The following TBC1D1 variants were observed in gnomAD, a reference collection of about 807,000 sequenced individuals.
TBC1D1 encodes the protein TBC1 (tre-2/USP6, BUB2, cdc16) domain family, member 1.
TBC1D1 carries 89 observed loss-of-function variants against 125.6 expected under a neutral mutation model. The observed-to-expected ratio is 0.71, with a 90% CI of 0.60 to 0.85. The LOEUF is 0.85. TBC1D1 is among the 40% of genes least tolerant of loss of function. The probability of loss-of-function intolerance (pLI) is 0.00; values close to 1 mark genes in which losing one functional copy is unlikely to be tolerated. For synonymous variants in TBC1D1, 565 were observed against 564.1 expected, an observed-to-expected ratio of 1.00 and a Z score of -0.02; for missense variants, 1,377 against 1,469.2, an observed-to-expected ratio of 0.94 and a Z score of 1.03.
intron 2 of TBC1D1, among the ~76,000 whole-genome samples, chr4:37,982,507 A>G (rs981546820): frequency 1.3e-5 from 2 of 152,156 alleles, no homozygotes. Context: ...TATAACCCTG[A>G]CCAGGATTTC....
At chr4:37,939,585 G>C (rs558524235) in intron 2 of TBC1D1, among the ~76,000 whole-genome samples, 26 of 152,326 alleles carry the variant, frequency 1.7e-4, no homozygotes, top group African/African-American at 6.0e-4. Flanking sequence ...TTTTAGACAT[G>C]AAGTCCTTGC....
intron 11 of TBC1D1, among the ~76,000 whole-genome samples, chr4:38,052,703 TACACACACACGCGC>T (rs1197565622): frequency 5.7e-4 from 73 of 128,310 alleles, no homozygotes; most frequent in Admixed American, 2.5e-3. Context: ...CATGCGTATA[TACACACACACGCGC>T]GCGCGCGCGC....
intron 12 of TBC1D1, among the ~76,000 whole-genome samples, chr4:38,071,629 G>T (rs188454170): frequency 1.3e-5 from 2 of 152,146 alleles, no homozygotes; most frequent in Non-Finnish European, 2.9e-5. Flanking sequence ...GGCAGAAATG[G>T]TTCCTGCCTC....
intron 10 of TBC1D1, among the ~76,000 whole-genome samples, chr4:38,049,306 C>CA (rs1367828239): frequency 2.0e-5 from 3 of 152,162 alleles, no homozygotes; most frequent in African/African-American, 7.2e-5. Context: ...CTGCAGTAAA[C>CA]AGTCCTGTTT....
chr4:38,098,097 A>T (rs931914610), intron 14 of TBC1D1, among the ~76,000 whole-genome samples: 4 of 152,236 alleles, frequency 2.6e-5, no homozygotes, highest in Non-Finnish European at 4.4e-5. Flanking sequence ...ACCAGCTTTC[A>T]GTGTGACTTT....
Position 38,014,225 on chromosome 4 carries a change from T to C in TBC1D1, c.418-284T>C, listed in dbSNP as rs2152426132. Among the ~76,000 whole-genome samples the C allele has an allele frequency of 6.6e-6, 1 of 152,320 alleles. No individual in the cohort carries two copies. Among genetic ancestry groups the C allele is most frequent in the East Asian group, 1.9e-4 (1 of 5,174 alleles). On this transcript the variant is annotated intron_variant, in intron 2 of 19. Coordinates refer to ENST00000261439, the MANE Select transcript of TBC1D1 (RefSeq NM_015173.4). This position sits in a 1 kb window ranked among gnomAD's most constrained non-coding sequence, Gnocchi z 5.1. ...GTGTTCCCGGGCTGGTGGTTTAACC[T>C]TGCAGGGTGCTGTGGGCATGTAAAT...
intron 2 of TBC1D1, among the ~76,000 whole-genome samples, chr4:37,996,678 C>G (rs1164637129): frequency 6.6e-6 from 1 of 152,216 alleles, no homozygotes; most frequent in East Asian, 1.9e-4. Context: ...TGCTCAGAGC[C>G]CTTTCCTGTG....
chr4:38,122,092 C>T (rs1313611367), intron 17 of TBC1D1, among the ~76,000 whole-genome samples: 2 of 152,146 alleles, frequency 1.3e-5, no homozygotes, highest in African/African-American at 2.4e-5. Context: ...GAGGGTTGGA[C>T]GCTTTGAATG....
chr4:37,930,058 A>T (rs1722953358), intron 2 of TBC1D1, among the ~76,000 whole-genome samples: 1 of 152,204 alleles, frequency 6.6e-6, no homozygotes, highest in African/African-American at 2.4e-5. Flanking sequence ...AAAAACATGA[A>T]TGGAAAGTTG....
chr4:38,048,070 G>A (rs957372878), intron 10 of TBC1D1, among the ~76,000 whole-genome samples: 2 of 152,176 alleles, frequency 1.3e-5, no homozygotes, highest in Non-Finnish European at 2.9e-5. Flanking sequence ...TAAGAGAGAT[G>A]CAACTTTTCA....
At chr4:38,070,758 A>T (rs1754572646) in intron 12 of TBC1D1, among the ~76,000 whole-genome samples, 1 of 152,178 alleles carries the variant, frequency 6.6e-6, no homozygotes, top group Non-Finnish European at 1.5e-5. Flanking sequence ...GTGATAGGTG[A>T]TATTTTTGCC....
At chr4:37,979,669 T>G (rs1016465009) in intron 2 of TBC1D1, among the ~76,000 whole-genome samples, 4 of 152,268 alleles carry the variant, frequency 2.6e-5, no homozygotes, top group Non-Finnish European at 5.9e-5. Context: ...CAGCTGACTT[T>G]CCTTTTCCTT....
At chr4:37,984,699 T>C (rs1735069464) in intron 2 of TBC1D1, among the ~76,000 whole-genome samples, 1 of 151,626 alleles carries the variant, frequency 6.6e-6, no homozygotes, top group African/African-American at 2.4e-5. Context: ...AAAAATTAGC[T>C]GGGTGTGGTG....
At position 38,137,347 on chromosome 4, in the gene TBC1D1, G is replaced by A; in HGVS notation, c.*12G>A. ...CCACGGGCGACTGACAGCTCTGCAG[G>A]AGAGATTGCAACACCATCCCACACT... On this transcript the variant is annotated 3_prime_UTR_variant, in exon 20 of 20. Coordinates refer to ENST00000261439, the MANE Select transcript of TBC1D1 (RefSeq NM_015173.4). The A allele has an allele frequency of 6.2e-7, 1 of 1,607,976 alleles. No homozygotes were observed. Among genetic ancestry groups the A allele is most frequent in the Non-Finnish European group, 8.5e-7 (1 of 1,178,850 alleles).
chr4:37,950,823 A>C (rs932158283), intron 2 of TBC1D1, among the ~76,000 whole-genome samples: 3 of 145,864 alleles, frequency 2.1e-5, no homozygotes, highest in Non-Finnish European at 4.5e-5. Context: ...CAGTGGTGTG[A>C]TCTCGACTCA....
At chr4:38,106,562 C>T (rs531556449) in intron 15 of TBC1D1, among the ~76,000 whole-genome samples, 1 of 152,276 alleles carries the variant, frequency 6.6e-6, no homozygotes, top group East Asian at 1.9e-4. Flanking sequence ...GAAATAGGTT[C>T]AGGGTGGGAG....
At chr4:38,043,536 T>C (rs534806723) in intron 8 of TBC1D1, among the ~76,000 whole-genome samples, 25 of 151,564 alleles carry the variant, frequency 1.6e-4, no homozygotes, top group African/African-American at 6.1e-4. Flanking sequence ...TGAGCCATGA[T>C]TGTGGCCCTG....
At chr4:38,034,957 G>A (rs924962143) in intron 7 of TBC1D1, among the ~76,000 whole-genome samples, 4 of 152,208 alleles carry the variant, frequency 2.6e-5, no homozygotes, top group Non-Finnish European at 5.9e-5. Context: ...CTAGAATTAA[G>A]GGGCTTGGCT....
chr4:38,083,977 G>A (rs1353492404), intron 12 of TBC1D1, among the ~76,000 whole-genome samples: 5 of 137,632 alleles, frequency 3.6e-5, no homozygotes, highest in African/African-American at 8.5e-5. Flanking sequence ...TCGCTCTGTC[G>A]CCCAGGCTAG....
Sources: allele counts gnomAD v4.1 joint callset (sites outside exome capture counted in the v4.1 genomes callset), GRCh38; gene constraint gnomAD v4.1.1; non-coding constraint Gnocchi (gnomAD v3.1); transcripts MANE v1.5; gene names NCBI Gene and HGNC (gene_info 2026-07-23, HGNC 2026-07-21).